SFXN4: variants seen among roughly 807,000 people sequenced by gnomAD.
SFXN4 encodes sideroflexin 4.
In SFXN4, 48 loss-of-function variants were observed where a neutral mutation model predicts 54.6. That is an observed-to-expected ratio of 0.88 (90% CI 0.70 to 1.12). SFXN4 has a LOEUF of 1.12. Ranked by LOEUF, SFXN4 falls within the 50% of genes most tolerant of loss-of-function variation. The pLI, the probability that SFXN4 is intolerant of heterozygous loss-of-function variation, is 0.00. For synonymous variants in SFXN4, 130 were observed against 145.5 expected (o/e 0.89, Z 0.77); for missense variants, 383 against 409.2 (o/e 0.94, Z 0.55).
intron 1 of SFXN4, 143 bp downstream of exon 1, chr10:119,165,394 G>A (rs1847727064): frequency 4.5e-6 from 6 of 1,328,268 alleles, no homozygotes; most frequent in Non-Finnish European, 4.8e-6. Context: ...CCGGTGGTGC[G>A]CGTTCCCGGC....
At chr10:119,143,239 C>A (rs1473138840) in intron 13 of SFXN4, among the ~76,000 whole-genome samples, 1 of 152,168 alleles carries the variant, frequency 6.6e-6, no homozygotes, top group Admixed American at 6.6e-5. Context: ...TGCAGCCTCA[C>A]GTGCCCATTC....
Position 119,141,250 on chromosome 10 carries a change from C to T in SFXN4, c.1006G>A (p.Gly336Arg), listed in dbSNP as rs2133557369. ...TEETEIFYHR[G>R]V ...TCACCTAAAACTCACGCCTACACCC[C>T]TCTGTGATAAAAGATTTCTGTTTCT... Residue 336 changes from glycine to arginine, a missense_variant, in exon 14 of 14, where the codon GGG becomes AGG. By Grantham distance (125) the Gly-to-Arg change is moderately radical (BLOSUM62 -2). Transcript: ENST00000355697. 6.2e-7 allele frequency: 1 copy of T among 1,611,372 alleles called. No homozygotes were observed. The highest frequency in any genetic ancestry group is 8.5e-7 in the Non-Finnish European group (1 of 1,177,618).
rs116277759 is a variant in SFXN4, at chr10:119,149,048, G to A, written c.733-1188C>T. Among the ~76,000 whole-genome samples the A allele has an allele frequency of 4.0e-3, 607 of 152,122 alleles. 4 individuals are homozygous for A. Among genetic ancestry groups the A allele is most frequent in the African/African-American group, 0.014 (584 of 41,506 alleles). ...ATCACAGGTACACCCTACCAGGCCC[G>A]GCTAACTTTTCGATTTTTTGTAGAG... On this transcript the variant is annotated intron_variant, in intron 11 of 13. Coordinates refer to ENST00000355697, the MANE Select transcript of SFXN4 (RefSeq NM_213649.2).
chr10:119,165,678 A>G lies in SFXN4; in HGVS notation c.-31T>C. 1 of 1,509,534 alleles carries G rather than the reference A, an allele frequency of 6.6e-7. No individual in the cohort carries two copies. The highest frequency in any genetic ancestry group is 1.4e-5 in the African/African-American group (1 of 69,288). The allele number at this position is 1,509,534 out of a possible 1,614,324, so 93.5% of individuals were successfully genotyped here. ...GCTGGTTAGAGTGGCCGCCGCCGCC[A>G]GGCCGCGCGTGGAGGAGGAGCCGGG... On this transcript the variant is annotated 5_prime_UTR_variant, in exon 1 of 14. Coordinates refer to ENST00000355697, the MANE Select transcript of SFXN4 (RefSeq NM_213649.2).
intron 13 of SFXN4, among the ~76,000 whole-genome samples, chr10:119,143,957 C>T (rs150929928): frequency 7.9e-5 from 12 of 152,262 alleles, no homozygotes; most frequent in Middle Eastern, 3.4e-3. Flanking sequence ...CCCAACCCCT[C>T]GCCCATAGCA....
At chr10:119,165,327 G>C in intron 1 of SFXN4, 1 of 1,289,108 alleles carries the variant, frequency 7.8e-7, no homozygotes, top group African/African-American at 1.6e-5. Flanking sequence ...TGTGGTCGTG[G>C]GCATCTGGCA....
At chr10:119,152,230 G>GTT (rs34523899) in intron 11 of SFXN4, among the ~76,000 whole-genome samples, 45,739 of 148,898 alleles carry the variant, frequency 0.31, 7,546 homozygotes, top group South Asian at 0.42. Context: ...TCTTTCGGGC[G>GTT]TTTTTTTTTT....
intron 11 of SFXN4, among the ~76,000 whole-genome samples, chr10:119,150,547 C>T (rs1006738325): frequency 1.3e-5 from 2 of 151,780 alleles, no homozygotes; most frequent in African/African-American, 4.8e-5. Context: ...CCATGTATGG[C>T]GGTGCACACT....
chr10:119,162,340 C>T lies in SFXN4; in HGVS notation c.252G>A (p.Arg84=), dbSNP rs750696100. The part of the protein sequence containing the change: ...DVSSPASADQ[R]IQEAWKRSLA... ...CCAGACCTGAGCACGTGAAACATAC[C>T]CTTTGGTCCGCCGAGGCAGGGCTGG... Residue 84 remains arginine, a splice_region_variant and synonymous_variant, in exon 3 of 14, where the codon AGG becomes AGA. Coordinates refer to ENST00000355697, the MANE Select transcript of SFXN4 (RefSeq NM_213649.2). 6.2e-7 allele frequency: 1 copy of T among 1,613,922 alleles called. No individual in the cohort carries two copies. Among genetic ancestry groups the T allele is most frequent in the Non-Finnish European group, 8.5e-7 (1 of 1,179,862 alleles).
In SFXN4 at chr10:119,141,160, CT is replaced by C; in HGVS notation, c.*81del. The C allele has an allele frequency of 1.0e-6, 1 of 987,354 alleles. No homozygotes were observed. Among genetic ancestry groups the C allele is most frequent in the Non-Finnish European group, 1.6e-6 (1 of 635,492 alleles). 61.2% of individuals were successfully genotyped at this position (987,354 alleles called of 1,614,324 possible). A position where few individuals can be genotyped will look rare whatever the true frequency, so the allele number is the denominator to read the frequency against. ...GACACCTCTGGGGTCCCCAGAAGAC[CT>C]GTGGCAAAGTTCTCTAAACCGAACC... On this transcript the variant is annotated 3_prime_UTR_variant, in exon 14 of 14. Coordinates refer to ENST00000355697, the MANE Select transcript of SFXN4 (RefSeq NM_213649.2).
At position 119,165,679 on chromosome 10, in the gene SFXN4, G is replaced by A. The variant is rs981495796; in HGVS notation, c.-32C>T. Reference sequence around the variant, plus strand: ...CTGGTTAGAGTGGCCGCCGCCGCCAGGCCGCGCGTGGAGGAGGAGCCGGGC... The same window carrying A: ...CTGGTTAGAGTGGCCGCCGCCGCCAAGCCGCGCGTGGAGGAGGAGCCGGGC... On this transcript the variant is annotated 5_prime_UTR_variant, in exon 1 of 14. Coordinates refer to ENST00000355697, the MANE Select transcript of SFXN4 (RefSeq NM_213649.2). 1 of 1,503,932 alleles carries A rather than the reference G, an allele frequency of 6.6e-7. No homozygotes were observed. Among genetic ancestry groups the A allele is most frequent in the East Asian group, 2.9e-5 (1 of 34,962 alleles). 93.2% of individuals were successfully genotyped at this position (1,503,932 alleles called of 1,614,324 possible).
intron 13 of SFXN4, among the ~76,000 whole-genome samples, chr10:119,142,614 G>A (rs1430847183): frequency 1.4e-5 from 2 of 144,798 alleles, no homozygotes; most frequent in Non-Finnish European, 3.0e-5. Flanking sequence ...GCAGTGGCGC[G>A]ACCTCGGCTC....
intron 10 of SFXN4, among the ~76,000 whole-genome samples, chr10:119,156,187 C>G (rs1435233996): frequency 6.6e-6 from 1 of 152,188 alleles, no homozygotes; most frequent in East Asian, 1.9e-4. Flanking sequence ...TTTTGGAAAG[C>G]TGAGGCAGGC....
intron 11 of SFXN4, among the ~76,000 whole-genome samples, chr10:119,151,173 T>A (rs1232045121): frequency 6.6e-6 from 1 of 152,008 alleles, no homozygotes; most frequent in African/African-American, 2.4e-5. Flanking sequence ...ATCGAGACCA[T>A]CCTGGCTAAC....
rs540142981 is a variant in SFXN4 at position 119,161,412 on chromosome 10, A to C, written c.253-331T>G. 3.4e-3 allele frequency among the ~76,000 whole-genome samples: 496 copies of C among 143,786 alleles called. 4 individuals carry two copies. The highest frequency in any genetic ancestry group is 0.014 in the South Asian group (59 of 4,358). 94.3% of individuals were successfully genotyped at this position (143,786 alleles called of 152,430 possible). Reference sequence around the variant, plus strand: ...TAAGCCATCACACCCAGCCTTAAAAAAACAACAACAACAACAAAAAAAAAC... The same window carrying C: ...TAAGCCATCACACCCAGCCTTAAAACAACAACAACAACAACAAAAAAAAAC... On this transcript the variant is annotated intron_variant, in intron 3 of 13. Coordinates refer to ENST00000355697, the MANE Select transcript of SFXN4 (RefSeq NM_213649.2).
intron 11 of SFXN4, among the ~76,000 whole-genome samples, chr10:119,152,342 C>T (rs937925367): frequency 6.6e-6 from 1 of 151,720 alleles, no homozygotes. Flanking sequence ...TGCAATGGCA[C>T]GACTTCGGCT....
chr10:119,164,213 G>C lies in SFXN4; in HGVS notation c.112-17C>G. The C allele has an allele frequency of 6.8e-7, 1 of 1,476,606 alleles. No individual in the cohort carries two copies. Among genetic ancestry groups the C allele is most frequent in the Non-Finnish European group, 9.3e-7 (1 of 1,075,212 alleles). 91.5% of individuals were successfully genotyped at this position (1,476,606 alleles called of 1,614,324 possible). ...AATAAAGGACTTAGGAGGGAGAAAA[G>C]CAACAGAGAGGTTAATGGCAGCAGA... On this transcript the variant is annotated splice_polypyrimidine_tract_variant and intron_variant, in intron 1 of 13. Transcript: ENST00000355697.
At chr10:119,149,736 C>T (rs1448201428) in intron 11 of SFXN4, among the ~76,000 whole-genome samples, 6 of 152,096 alleles carry the variant, frequency 3.9e-5, no homozygotes, top group Non-Finnish European at 2.9e-5. Context: ...GGCAACAGAG[C>T]GAGACTCAGT....
At chr10:119,157,618 C>A (rs750171373) in intron 9 of SFXN4, 50 bp downstream of exon 9, 1 of 1,410,312 alleles carries the variant, frequency 7.1e-7, no homozygotes, top group Non-Finnish European at 9.7e-7. Flanking sequence ...AATAAAACTT[C>A]CTGGATTCTG....
Sources: allele counts gnomAD v4.1 joint callset (sites outside exome capture counted in the v4.1 genomes callset), GRCh38; gene constraint gnomAD v4.1.1; transcripts MANE v1.5; gene names NCBI Gene and HGNC (gene_info 2026-07-23, HGNC 2026-07-21).